The following LCA5L variants were observed in gnomAD, a reference collection of about 807,000 sequenced individuals.
LCA5L encodes the protein lebercilin-like protein.
Under a neutral mutation model 45.4 loss-of-function variants are expected in LCA5L, and 35 were observed. That is an observed-to-expected ratio of 0.77 (90% CI 0.59 to 1.02). The LOEUF (loss-of-function observed/expected upper bound fraction) is 1.02. LCA5L is among the 50% of genes least tolerant of loss of function. The probability of loss-of-function intolerance (pLI) is 0.00; values close to 1 mark genes in which losing one functional copy is unlikely to be tolerated. For synonymous variants in LCA5L, 233 were observed against 264.7 expected, an observed-to-expected ratio of 0.88 and a Z score of 1.16; for missense variants, 668 against 761.6, an observed-to-expected ratio of 0.88 and a Z score of 1.45.
At chr21:39,410,833 T>C (rs544769121) in intron 8 of LCA5L, 3 of 471,168 alleles carry the variant, frequency 6.4e-6, no homozygotes, top group African/African-American at 6.0e-5. Context: ...TCATTGTCTC[T>C]ATTATTCTAG....
At chr21:39,440,064 T>C (rs1351015037) in intron 2 of LCA5L, among the ~76,000 whole-genome samples, 1 of 152,194 alleles carries the variant, frequency 6.6e-6, no homozygotes, top group Non-Finnish European at 1.5e-5. Context: ...AATGTATGTG[T>C]ATGTGTATAT....
intron 7 of LCA5L, among the ~76,000 whole-genome samples, chr21:39,417,828 T>C (rs8133460): frequency 0.59 from 90,060 of 151,820 alleles, 28,572 homozygotes; most frequent in African/African-American, 0.83. Flanking sequence ...TGCGGTGGCG[T>C]GATCTCCGCT....
Position 39,410,273 on chromosome 21 carries a change from C to A in LCA5L, c.1155G>T (p.Leu385Phe). Residue 385 changes from leucine to phenylalanine, a missense_variant, in exon 9 of 11, where the codon TTG (leucine) becomes TTT (phenylalanine). By Grantham distance (22) the Leu-to-Phe change is conservative (BLOSUM62 0). Coordinates refer to ENST00000288350, the MANE Select transcript of LCA5L (RefSeq NM_152505.4). ...QGTQKSDVPPLTTKGKKATGN... is the reference protein window; with the variant it reads ...QGTQKSDVPPFTTKGKKATGN... ...TCCAAATTTGCTGTACCTTAGTTGT[C>A]AAAGGTGGAACATCTGATTTTTGGG... 1 of 1,599,806 alleles carries A rather than the reference C, an allele frequency of 6.3e-7. No individual in the cohort carries two copies. Among genetic ancestry groups the A allele is most frequent in the Non-Finnish European group, 8.5e-7 (1 of 1,172,104 alleles).
Position 39,435,556 on chromosome 21 carries a change from G to T in LCA5L, c.-228C>A, listed in dbSNP as rs1400008702. ...AGGTTTTGGTCTCTTTTTAAAGAAAGAATATATTTTAAAAAACCTAAAATG... is the reference window on the plus strand; with the variant it reads ...AGGTTTTGGTCTCTTTTTAAAGAAATAATATATTTTAAAAAACCTAAAATG... On this transcript the variant is annotated 5_prime_UTR_variant, in exon 3 of 11. Transcript: ENST00000288350. 1.3e-5 allele frequency: 2 copies of T among 151,988 alleles called. No homozygotes were observed. The highest frequency in any genetic ancestry group is 2.9e-5 in the Non-Finnish European group (2 of 67,974). The allele number at this position is 151,988 out of a possible 1,614,324, so 9.4% of individuals were successfully genotyped here.
rs1569093737 is a variant in LCA5L, at chr21:39,420,831, G to A, written c.850C>T (p.Gln284Ter). The A allele has an allele frequency of 6.2e-7, 1 of 1,612,646 alleles. No homozygotes were observed. The highest frequency in any genetic ancestry group is 1.7e-5 in the Admixed American group (1 of 59,920). ...AAGGCTCTGCAGTTCAACCTCAGTT[G>A]TTTTTCCAAGCTCTGAAAACAGTAT... is the stretch of plus-strand genomic sequence containing the variant. ...NDKKIQSLEK[Q>*]LRLNCRAFSR... Residue 284 changes from glutamine (Q) to a stop codon, truncating the protein, a stop_gained, in exon 7 of 11, where the codon CAA (glutamine) becomes TAA (stop). Coordinates refer to ENST00000288350, the MANE Select transcript of LCA5L (RefSeq NM_152505.4). LOFTEE classifies it high-confidence loss of function.
chr21:39,409,936 T>A lies in LCA5L; in HGVS notation c.1282+43A>T. 2.6e-6 allele frequency: 3 copies of A among 1,161,252 alleles called. No homozygotes were observed. Among genetic ancestry groups the A allele is most frequent in the Non-Finnish European group, 1.3e-6 (1 of 789,794 alleles). 71.9% of individuals were successfully genotyped at this position (1,161,252 alleles called of 1,614,324 possible). A position where few individuals can be genotyped will look rare whatever the true frequency, so the allele number is the denominator to read the frequency against. On this transcript the variant is annotated intron_variant, in intron 10 of 10. Coordinates refer to ENST00000288350, the MANE Select transcript of LCA5L (RefSeq NM_152505.4). This position sits in a 1 kb window ranked among gnomAD's most constrained non-coding sequence, Gnocchi z 4.2. ...TATACACATATAGTAATTCACAATT[T>A]TAAAGAAATCAGATAAGATAGACTT...
intron 7 of LCA5L, among the ~76,000 whole-genome samples, chr21:39,420,138 C>T (rs553280360): frequency 6.6e-6 from 1 of 152,224 alleles, no homozygotes; most frequent in Admixed American, 6.5e-5. Context: ...AGTACACATT[C>T]GCCAAGCTGT....
Position 39,406,321 on chromosome 21 carries a change from G to A in LCA5L, c.1574C>T (p.Ser525Leu). The A allele has an allele frequency of 6.2e-7, 1 of 1,614,186 alleles. No individual in the cohort carries two copies. Among genetic ancestry groups the A allele is most frequent in the Non-Finnish European group, 8.5e-7 (1 of 1,180,026 alleles). ...CAGGTTTTCAGTTGCTTCTGTGAATGAGTAATGTCTTCTTTGTCTGAGGGG... is the reference window on the plus strand; with the variant it reads ...CAGGTTTTCAGTTGCTTCTGTGAATAAGTAATGTCTTCTTTGTCTGAGGGG... ...KGPLRQRRHY[S>L]FTEATENLHH... The change falls in exon 11 of 11, where the codon TCA becomes TTA. Residue 525 changes from serine to leucine, a missense_variant. Transcript: ENST00000288350.
At chr21:39,418,495 A>G (rs1485750785) in intron 7 of LCA5L, among the ~76,000 whole-genome samples, 1 of 151,784 alleles carries the variant, frequency 6.6e-6, no homozygotes, top group Non-Finnish European at 1.5e-5. Flanking sequence ...GGTTATTTTT[A>G]TTTTATTTTT....
chr21:39,417,556 A>C (rs985533054), intron 7 of LCA5L, among the ~76,000 whole-genome samples: 2 of 152,140 alleles, frequency 1.3e-5, no homozygotes, highest in East Asian at 3.9e-4. Flanking sequence ...GGATTGTATT[A>C]GTCCTTTTTC....
intron 5 of LCA5L, 94 bp from the exon 6 acceptor site, chr21:39,423,584 C>A: frequency 2.0e-6 from 2 of 989,544 alleles, no homozygotes; most frequent in South Asian, 3.6e-5. Flanking sequence ...CCCCCATGCA[C>A]ACACACCACA....
intron 3 of LCA5L, among the ~76,000 whole-genome samples, chr21:39,432,576 C>T (rs2075847572): frequency 1.3e-5 from 2 of 152,092 alleles, no homozygotes; most frequent in African/African-American, 2.4e-5. Flanking sequence ...AAATGTGTAT[C>T]CCCATGAAAC....
chr21:39,405,797 CCT>C lies in LCA5L; in HGVS notation c.*83_*84del. On this transcript the variant is annotated 3_prime_UTR_variant, in exon 11 of 11. Transcript: ENST00000288350. The stretch of plus-strand genomic sequence containing the variant: ...CTAAAACACACACATACATACACTC[CCT>C]CTCTCACACATTTCAAAAATAAGAT... 1 of 1,043,392 alleles carries C rather than the reference CCT, an allele frequency of 9.6e-7. No homozygotes were observed. The highest frequency in any genetic ancestry group is 1.9e-5 in the South Asian group (1 of 53,838). 64.6% of individuals were successfully genotyped at this position (1,043,392 alleles called of 1,614,324 possible).
rs928213692 is a variant in LCA5L at position 39,409,687 on chromosome 21, G to A, written c.1282+292C>T. ...GGCTCACTGCAACCTCTGCCTCCTG[G>A]GTCCAAGCGATTTTCCTGCCTCAGC... On this transcript the variant is annotated intron_variant, in intron 10 of 10. Transcript: ENST00000288350. This position sits in a 1 kb window ranked among gnomAD's most constrained non-coding sequence, Gnocchi z 4.2. Among the ~76,000 whole-genome samples, 10 of 152,112 alleles carry A rather than the reference G, an allele frequency of 6.6e-5. No individual in the cohort carries two copies. Among genetic ancestry groups the A allele is most frequent in the African/African-American group, 2.4e-4 (10 of 41,414 alleles).
At position 39,419,539 on chromosome 21, in the gene LCA5L, A is replaced by AAAG. The variant is rs1326058642; in HGVS notation, c.975+1166_975+1167insCTT. On this transcript the variant is annotated intron_variant, in intron 7 of 10. Transcript: ENST00000288350. Reference sequence around the variant, plus strand: ...GACCCTGTTCAAAAAAAAAAAAGAAAAAAGAAAAAAGAAAGAAAGGGAAAT... The same window carrying AAAG: ...GACCCTGTTCAAAAAAAAAAAAGAAAAAGAAAGAAAAAAGAAAGAAAGGGAAAT... 2.0e-3 allele frequency among the ~76,000 whole-genome samples: 297 copies of AAAG among 151,678 alleles called. 4 individuals carry two copies. The highest frequency in any genetic ancestry group is 6.8e-3 in the African/African-American group (279 of 41,240).
intron 3 of LCA5L, among the ~76,000 whole-genome samples, chr21:39,432,341 G>A (rs1211743621): frequency 6.6e-6 from 1 of 151,974 alleles, no homozygotes; most frequent in Non-Finnish European, 1.5e-5. Context: ...AGAAAAACTG[G>A]GACCAGATGA....
At position 39,406,096 on chromosome 21, in the gene LCA5L, T is replaced by G; in HGVS notation, c.1799A>C (p.Glu600Ala). 6.2e-7 allele frequency: 1 copy of G among 1,614,238 alleles called. No individual in the cohort carries two copies. Among genetic ancestry groups the G allele is most frequent in the East Asian group, 2.2e-5 (1 of 44,890 alleles). ...GACATAGCCTGATCCAAAGAGTTCT[T>G]CCATGAGACTGCTTTTCTTATCTCT... ...TFRDKKSSLM[E>A]ELFGSGYVLK... The change falls in exon 11 of 11, where the codon GAA (glutamate) becomes GCA (alanine). Residue 600 changes from glutamate to alanine, a missense_variant. Physicochemically the swap from Glu to Ala is moderately radical, Grantham distance 107 (BLOSUM62 -1). Transcript: ENST00000288350.
At chr21:39,445,052 G>A (rs1480582231) in intron 1 of LCA5L, among the ~76,000 whole-genome samples, 3 of 151,270 alleles carry the variant, frequency 2.0e-5, no homozygotes, top group East Asian at 2.0e-4. Flanking sequence ...GTTCATCTAG[G>A]GATTGAGTGT....
intron 8 of LCA5L, chr21:39,411,024 A>T: frequency 2.3e-6 from 1 of 441,060 alleles, no homozygotes; most frequent in Non-Finnish European, 4.6e-6. Flanking sequence ...GAAGAAAAGA[A>T]GACCTCACCA....
Sources: allele counts gnomAD v4.1 joint callset (sites outside exome capture counted in the v4.1 genomes callset), GRCh38; gene constraint gnomAD v4.1.1; non-coding constraint Gnocchi (gnomAD v3.1); transcripts MANE v1.5; gene names NCBI Gene and HGNC (gene_info 2026-07-23, HGNC 2026-07-21).